Variants in CNOT3 observed in about 807,000 individuals in gnomAD.
CNOT3 encodes CCR4-associated factor 3.
CNOT3 carries 2 observed loss-of-function variants against 89.4 expected under a neutral mutation model. The ratio of observed to expected loss-of-function variants is 0.02; its 90% CI spans 0.01 to 0.07. The LOEUF is 0.07. CNOT3 is among the 10% of genes least tolerant of loss of function. The pLI is 1.00. For synonymous variants in CNOT3, 486 were observed against 402.0 expected, an observed-to-expected ratio of 1.21 and a Z score of -2.50; for missense variants, 664 against 1,010.2, an observed-to-expected ratio of 0.66 and a Z score of 4.65.
intron 13 of CNOT3, among the ~76,000 whole-genome samples, chr19:54,151,181 T>C (rs12975213): frequency 1.3e-5 from 2 of 151,998 alleles, no homozygotes; most frequent in African/African-American, 4.8e-5. Context: ...TCAGAAGGGG[T>C]CCATATCTTT....
intron 1 of CNOT3, among the ~76,000 whole-genome samples, chr19:54,139,218 C>T (rs1447027854): frequency 6.6e-6 from 1 of 152,154 alleles, no homozygotes; most frequent in Non-Finnish European, 1.5e-5. Context: ...CCCTCCCTCC[C>T]TTCACCCCTG....
intron 1 of CNOT3, 147 bp from the exon 2 acceptor site, chr19:54,142,779 CAGG>C (rs2074505140): frequency 1.6e-6 from 1 of 634,752 alleles, no homozygotes; most frequent in South Asian, 1.8e-5. Context: ...AAGCGAGCAT[CAGG>C]AGAACTGGGG....
chr19:54,149,470 G>GCAGT, intron 12 of CNOT3, 90 bp from the exon 13 acceptor site: 1 of 746,972 alleles, frequency 1.3e-6, no homozygotes, highest in Non-Finnish European at 2.1e-6. Context: ...TCTGATCTGT[G>GCAGT]CAGTCTCCCC....
At chr19:54,146,452 C>A (rs2074677237) in intron 9 of CNOT3, 149 bp from the exon 10 acceptor site, 1 of 691,226 alleles carries the variant, frequency 1.4e-6, no homozygotes, top group African/African-American at 1.8e-5. Flanking sequence ...GATGGTTTCT[C>A]CAGGCAGATT....
chr19:54,142,940 A>G lies in CNOT3; in HGVS notation c.-39A>G, dbSNP rs752046752. 9.9e-6 allele frequency: 16 copies of G among 1,610,784 alleles called. No homozygotes were observed. The highest frequency in any genetic ancestry group is 1.3e-5 in the Non-Finnish European group (15 of 1,177,348). On this transcript the variant is annotated 5_prime_UTR_variant, in exon 2 of 18. Transcript: ENST00000221232. ...ATCTCTCCTAGCAGCGTCCGTCTCC[A>G]AGAGAGTATGAAGAGAGTGCGTCTG...
chr19:54,143,556 T>C (rs1286632889), intron 4 of CNOT3, 40 bp downstream of exon 4: 4 of 1,608,342 alleles, frequency 2.5e-6, no homozygotes, highest in Non-Finnish European at 3.4e-6. Context: ...GTCCTGAGGG[T>C]AGAGGGAACT....
In CNOT3 at chr19:54,149,770, G is replaced by A. The variant is rs374723343; in HGVS notation, c.1605+12G>A. The A allele has an allele frequency of 3.7e-5, 59 of 1,591,270 alleles. No homozygotes were observed. Among genetic ancestry groups the A allele is most frequent in the African/African-American group, 1.6e-4 (12 of 74,230 alleles). On this transcript the variant is annotated intron_variant, in intron 13 of 17. Transcript: ENST00000221232. ...CCCCAGAAATCAAGGTGGGCTCCTC[G>A]GACATCCCCCGAGCCTCTGTGTCCT...
At chr19:54,143,375 G>T in intron 3 of CNOT3, 67 bp from the exon 4 acceptor site, 6 of 1,521,912 alleles carry the variant, frequency 3.9e-6, no homozygotes, top group Non-Finnish European at 4.6e-6. Flanking sequence ...GCATAAGGAA[G>T]AATCACTGGA....
In CNOT3 at chr19:54,155,531, G is replaced by A. The variant is rs1600526297; in HGVS notation, c.*124G>A. ...ACGGGGCATCCCCCTCTCCCAGGAA[G>A]CAGGGAGGGGGCCGGGAGGTTTTCC... On this transcript the variant is annotated 3_prime_UTR_variant, in exon 18 of 18. Coordinates refer to ENST00000221232, the MANE Select transcript of CNOT3 (RefSeq NM_014516.4). 10 of 906,448 alleles carry A rather than the reference G, an allele frequency of 1.1e-5. No homozygotes were observed. In the East Asian group the frequency reaches 2.4e-4, roughly 22 times the overall value. The allele number at this position is 906,448 out of a possible 1,614,324, so 56.2% of individuals were successfully genotyped here. A position where few individuals can be genotyped will look rare whatever the true frequency, so the allele number is the denominator to read the frequency against.
In CNOT3 at chr19:54,142,861, G is replaced by A. The variant is rs1053196012; in HGVS notation, c.-50-68G>A. 1.2e-5 allele frequency: 12 copies of A among 999,190 alleles called. No homozygotes were observed. In the African/African-American group the frequency reaches 1.9e-4, roughly 16 times the overall value. 61.9% of individuals were successfully genotyped at this position (999,190 alleles called of 1,614,324 possible). On this transcript the variant is annotated intron_variant, in intron 1 of 17. Coordinates refer to ENST00000221232, the MANE Select transcript of CNOT3 (RefSeq NM_014516.4). ...CCCACCTACCTCACTATGCTGACTA[G>A]GTCCATGTCTCTGGGTTTTTACCAG...
chr19:54,152,655 C>T (rs1381294777), intron 15 of CNOT3, 29 bp downstream of exon 15: 20 of 1,569,202 alleles, frequency 1.3e-5, no homozygotes, highest in Non-Finnish European at 1.7e-5. Flanking sequence ...GGGGGATGGT[C>T]TGGGACTTGA....
Position 54,152,883 on chromosome 19 carries a change from A to G in CNOT3, c.1921A>G (p.Asn641Asp), listed in dbSNP as rs2146768596. ...SERIRQYLPR[N>D]PCPTPPYHHQ... The stretch of plus-strand genomic sequence containing the variant: ...CTCTCACAGGCAGTACCTCCCCCGG[A>G]ACCCCTGTCCGACGCCCCCCTACCA... Residue 641 changes from asparagine to aspartate, a missense_variant, in exon 16 of 18, where the codon AAC becomes GAC. Around this residue, in one of 8 missense-constraint regions of CNOT3, gnomAD observed 545 missense variants for 566.2 expected, o/e 0.96. Transcript: ENST00000221232. 1.4e-6 allele frequency: 2 copies of G among 1,438,864 alleles called. No homozygotes were observed. The highest frequency in any genetic ancestry group is 1.9e-6 in the Non-Finnish European group (2 of 1,041,666). The allele number at this position is 1,438,864 out of a possible 1,614,324, so 89.1% of individuals were successfully genotyped here. A position where few individuals can be genotyped will look rare whatever the true frequency, so the allele number is the denominator to read the frequency against.
intron 16 of CNOT3, 195 bp from the exon 17 acceptor site, chr19:54,153,520 T>A: frequency 1.3e-6 from 1 of 778,580 alleles, no homozygotes; most frequent in Non-Finnish European, 2.4e-6. Context: ...AATTTTCACC[T>A]CCTGTCTCAT....
intron 13 of CNOT3, among the ~76,000 whole-genome samples, chr19:54,150,715 G>A (rs2075044461): frequency 6.7e-6 from 1 of 149,392 alleles, no homozygotes; most frequent in South Asian, 2.1e-4. Flanking sequence ...TACCTACTAT[G>A]TAGGGTTATT....
chr19:54,154,060 C>T (rs1406865315), intron 17 of CNOT3: 4 of 721,592 alleles, frequency 5.5e-6, no homozygotes, highest in Non-Finnish European at 1.0e-5. Context: ...AGGTCTCAGC[C>T]CAAATGTCCC....
Position 54,155,018 on chromosome 19 carries a change from C to T in CNOT3, c.2164-291C>T, listed in dbSNP as rs183553313. The stretch of plus-strand genomic sequence containing the variant: ...AGAGGTGCTCAAAAGCCACAGCCCT[C>T]GAGGAAACGAAGGCTGTGCACTCAC... On this transcript the variant is annotated intron_variant, in intron 17 of 17. Coordinates refer to ENST00000221232, the MANE Select transcript of CNOT3 (RefSeq NM_014516.4). 154 of 491,374 alleles carry T rather than the reference C, an allele frequency of 3.1e-4. 2 individuals carry two copies. The Admixed American group carries it at 4.8e-3, about 15-fold the overall frequency. The allele number at this position is 491,374 out of a possible 1,614,324, so 30.4% of individuals were successfully genotyped here. A position where few individuals can be genotyped will look rare whatever the true frequency, so the allele number is the denominator to read the frequency against.
Position 54,152,530 on chromosome 19 carries a change from G to A in CNOT3, c.1808G>A (p.Gly603Asp). The A allele has an allele frequency of 6.2e-7, 1 of 1,614,170 alleles. No homozygotes were observed. The highest frequency in any genetic ancestry group is 8.5e-7 in the Non-Finnish European group (1 of 1,180,030). ...CTGTCGCTGGGTGTCTGTCCACTGG[G>A]CCCTGTGCCCCTCACCAAGGAGCAG... ...IPLSLGVCPL[G>D]PVPLTKEQLY... Residue 603 changes from glycine (G) to aspartate (D), a missense_variant, in exon 15 of 18, where the codon GGC (glycine) becomes GAC (aspartate). Gly to Asp is a moderately conservative substitution (Grantham distance 94). Around this residue, in one of 8 missense-constraint regions of CNOT3, gnomAD observed 545 missense variants for 566.2 expected, o/e 0.96. Coordinates refer to ENST00000221232, the MANE Select transcript of CNOT3 (RefSeq NM_014516.4).
rs1228432986 is a variant in CNOT3 at position 54,145,351 on chromosome 19, A to G, written c.484-247A>G. On this transcript the variant is annotated intron_variant, in intron 7 of 17. Coordinates refer to ENST00000221232, the MANE Select transcript of CNOT3 (RefSeq NM_014516.4). This position sits in a 1 kb window ranked among gnomAD's most constrained non-coding sequence, Gnocchi z 5.9. ...CCTCTGGGTCTTTTAGAGGTTTCCA[A>G]GGACTCCTGGAGCCAGAAAGGTGTG... 2.0e-5 allele frequency among the ~76,000 whole-genome samples: 3 copies of G among 152,130 alleles called. No homozygotes were observed. The highest frequency in any genetic ancestry group is 7.2e-5 in the African/African-American group (3 of 41,424).
chr19:54,152,830 T>G, intron 15 of CNOT3, 37 bp from the exon 16 acceptor site: 1 of 990,298 alleles, frequency 1.0e-6, no homozygotes, highest in Non-Finnish European at 1.6e-6. Flanking sequence ...ACAGGACTAG[T>G]AGGCAGCTGG....
Sources: gnomAD v4.1 joint callset for allele counts (sites outside exome capture counted in the v4.1 genomes callset) on GRCh38, gnomAD v4.1.1 for gene constraint, gnomAD v4.1.1 regional missense constraint, Gnocchi (gnomAD v3.1) non-coding constraint, MANE v1.5 for transcripts, NCBI Gene and HGNC (gene_info 2026-07-23, HGNC 2026-07-21) for gene names.